UBE2R2: variants seen among roughly 807,000 people sequenced by gnomAD.
UBE2R2 encodes the protein ubiquitin conjugating enzyme E2 R2, also known as ubiquitin-conjugating enzyme E2 R2.
In UBE2R2, 1 loss-of-function variant was observed where a neutral mutation model predicts 27.8. The observed-to-expected ratio is 0.04, with a 90% confidence interval of 0.01 to 0.17. The LOEUF (loss-of-function observed/expected upper bound fraction) is 0.17. Ranked by LOEUF, UBE2R2 falls within the 10% of genes least tolerant of loss-of-function variation. The probability of loss-of-function intolerance (pLI) is 1.00; values close to 1 mark genes in which losing one functional copy is unlikely to be tolerated. For synonymous variants in UBE2R2, 106 were observed against 113.3 expected, an observed-to-expected ratio of 0.94 and a Z score of 0.41; for missense variants, 100 against 291.0, an observed-to-expected ratio of 0.34 and a Z score of 4.78.
intron 1 of UBE2R2, among the ~76,000 whole-genome samples, chr9:33,882,251 G>A (rs1376294660): frequency 5.9e-5 from 9 of 151,850 alleles, no homozygotes; most frequent in Admixed American, 5.9e-4. Context: ...TCACCAAAGG[G>A]CCCTGGTTCC....
At chr9:33,827,099 CA>C (rs978922871) in intron 1 of UBE2R2, among the ~76,000 whole-genome samples, 1 of 149,148 alleles carries the variant, frequency 6.7e-6, no homozygotes, top group African/African-American at 2.5e-5. Context: ...GACTCTGCCT[CA>C]AAAAAAAATA....
chr9:33,862,736 AT>A (rs1385303634), intron 1 of UBE2R2, among the ~76,000 whole-genome samples: 1 of 152,050 alleles, frequency 6.6e-6, no homozygotes, highest in East Asian at 1.9e-4. Context: ...TTATGTCTTG[AT>A]TTAGAAACAC....
chr9:33,817,630 G>C lies in UBE2R2; in HGVS notation c.-128G>C, dbSNP rs1340596475. 32 of 1,086,050 alleles carry C rather than the reference G, an allele frequency of 2.9e-5. No homozygotes were observed. Among genetic ancestry groups the C allele is most frequent in the Admixed American group, 5.1e-5 (1 of 19,560 alleles). The allele number at this position is 1,086,050 out of a possible 1,614,324, so 67.3% of individuals were successfully genotyped here. A position where few individuals can be genotyped will look rare whatever the true frequency, so the allele number is the denominator to read the frequency against. ...TGTGGGGCCTGGTCTGGCCCGCCGG[G>C]TGTGTGAAGACCGGGGCCCGGTGCT... On this transcript the variant is annotated 5_prime_UTR_variant, in exon 1 of 5. Transcript: ENST00000263228.
chr9:33,839,593 A>G (rs1820688074), intron 1 of UBE2R2, among the ~76,000 whole-genome samples: 1 of 152,124 alleles, frequency 6.6e-6, no homozygotes, highest in East Asian at 1.9e-4. Flanking sequence ...CCTTTTCACT[A>G]CTTGAGAATG....
intron 1 of UBE2R2, among the ~76,000 whole-genome samples, chr9:33,823,060 A>G (rs987349407): frequency 3.3e-5 from 5 of 151,008 alleles, no homozygotes; most frequent in African/African-American, 7.3e-5. Context: ...GTGCACCACC[A>G]TGCCTGGCTA....
intron 2 of UBE2R2, among the ~76,000 whole-genome samples, chr9:33,888,596 A>G (rs1413898587): frequency 6.6e-6 from 1 of 152,260 alleles, no homozygotes; most frequent in East Asian, 1.9e-4. Flanking sequence ...CAGCTAACTG[A>G]ACCTCCACCT....
chr9:33,879,875 G>GT (rs1347728627), intron 1 of UBE2R2, among the ~76,000 whole-genome samples: 1 of 121,604 alleles, frequency 8.2e-6, no homozygotes, highest in Non-Finnish European at 1.7e-5. Context: ...TCTTTATTTT[G>GT]TTTGTTTGTT....
chr9:33,827,409 A>G (rs1386109103), intron 1 of UBE2R2, among the ~76,000 whole-genome samples: 2 of 151,774 alleles, frequency 1.3e-5, no homozygotes, highest in Non-Finnish European at 2.9e-5. Flanking sequence ...GGGATGCCAA[A>G]GCGGGCGAAT....
intron 4 of UBE2R2, among the ~76,000 whole-genome samples, chr9:33,913,570 C>T (rs770341041): frequency 6.6e-6 from 1 of 152,124 alleles, no homozygotes; most frequent in Non-Finnish European, 1.5e-5. Context: ...CCTCCACCCC[C>T]CTTGATATTA....
intron 1 of UBE2R2, among the ~76,000 whole-genome samples, chr9:33,862,830 A>G (rs957182087): frequency 6.6e-6 from 1 of 151,516 alleles, no homozygotes; most frequent in East Asian, 1.9e-4. Context: ...ATGTTTTGTT[A>G]TATAGAATTG....
intron 1 of UBE2R2, among the ~76,000 whole-genome samples, chr9:33,852,729 A>G (rs1482224677): frequency 6.6e-6 from 1 of 151,948 alleles, no homozygotes; most frequent in Non-Finnish European, 1.5e-5. Context: ...CTTCATATTA[A>G]CAAGTATGGG....
chr9:33,911,810 A>C (rs13296555), intron 3 of UBE2R2, among the ~76,000 whole-genome samples, 154 bp from the exon 4 acceptor site: 10,332 of 152,292 alleles, frequency 0.068, 491 homozygotes, highest in Non-Finnish European at 0.099. Context: ...AAAAATTTAT[A>C]TCTCTATTCC....
rs566415159 is a variant in UBE2R2, at chr9:33,910,956, A to G, written c.363-1008A>G. Among the ~76,000 whole-genome samples the G allele has an allele frequency of 3.3e-5, 5 of 152,236 alleles. No homozygotes were observed. The East Asian group carries it at 9.7e-4, about 29-fold the overall frequency. On this transcript the variant is annotated intron_variant, in intron 3 of 4. Transcript: ENST00000263228. ...TGTCCCTACTAAAAATACAAAAATT[A>G]GCCAGGCGTGGTAGTACAATGCCTG...
chr9:33,908,744 A>T (rs905857774), intron 3 of UBE2R2, among the ~76,000 whole-genome samples: 2 of 152,298 alleles, frequency 1.3e-5, no homozygotes, highest in South Asian at 4.1e-4. Context: ...ACTTGTGGGA[A>T]TTTTTTCTTA....
intron 1 of UBE2R2, among the ~76,000 whole-genome samples, chr9:33,869,679 A>C (rs886913114): frequency 5.9e-5 from 9 of 151,946 alleles, no homozygotes; most frequent in Non-Finnish European, 1.2e-4. Context: ...GGAACTCCTG[A>C]CCTCAGGTGA....
chr9:33,830,968 G>A (rs1342329177), intron 1 of UBE2R2: 1 of 150,652 alleles, frequency 6.6e-6, no homozygotes, highest in East Asian at 1.9e-4. Context: ...TATTAAGAAT[G>A]AGTAGAGTAG....
chr9:33,821,541 A>G (rs1032946351), intron 1 of UBE2R2, among the ~76,000 whole-genome samples: 2 of 152,106 alleles, frequency 1.3e-5, no homozygotes, highest in Non-Finnish European at 2.9e-5. Flanking sequence ...GAACTTTTGC[A>G]TTATTTATCT....
intron 3 of UBE2R2, among the ~76,000 whole-genome samples, chr9:33,909,433 A>T (rs903389822): frequency 2.0e-5 from 3 of 152,214 alleles, no homozygotes; most frequent in African/African-American, 7.2e-5. Flanking sequence ...GGTTGCAGTG[A>T]GCCAAGATCA....
At chr9:33,905,240 G>C (rs1822327636) in intron 3 of UBE2R2, among the ~76,000 whole-genome samples, 1 of 152,066 alleles carries the variant, frequency 6.6e-6, no homozygotes, top group African/African-American at 2.4e-5. Flanking sequence ...AGAGGCTGTT[G>C]TTTGGTATAA....
Sources: allele counts gnomAD v4.1 joint callset (sites outside exome capture counted in the v4.1 genomes callset), GRCh38; gene constraint gnomAD v4.1.1; transcripts MANE v1.5; gene names NCBI Gene and HGNC (gene_info 2026-07-23, HGNC 2026-07-21).